The following MAP3K15 variants were observed in gnomAD, a reference collection of about 807,000 sequenced individuals.
MAP3K15 encodes the protein mitogen-activated protein kinase kinase kinase 15.
MAP3K15 carries 124 observed loss-of-function variants against 99.5 expected under a neutral mutation model. That is an observed-to-expected ratio of 1.25 (90% CI 1.08 to 1.45). The LOEUF (loss-of-function observed/expected upper bound fraction) is 1.45, where lower values mean the gene tolerates loss of function less well. Ranked by LOEUF, MAP3K15 falls within the 40% of genes most tolerant of loss-of-function variation. The pLI, the probability that MAP3K15 is intolerant of heterozygous loss-of-function variation, is 0.00. For synonymous variants in MAP3K15, 494 were observed against 439.6 expected (o/e 1.12, Z -1.55); for missense variants, 1,242 against 1,079.7 (o/e 1.15, Z -2.11).
intron 19 of MAP3K15, among the ~76,000 whole-genome samples, chrX:19,379,441 CTTTTTTTTTTTT>C (rs770431394): frequency 1.6e-5 from 1 of 62,349 alleles, no homozygotes; most frequent in Admixed American, 1.7e-4. Flanking sequence ...AGTGTTTTTC[CTTTTTTTTTTTT>C]TTTTTTTTTT....
chrX:19,418,706 C>T (rs1349524640), intron 9 of MAP3K15, among the ~76,000 whole-genome samples: 2 of 109,285 alleles, frequency 1.8e-5, no homozygotes, highest in African/African-American at 6.9e-5. Context: ...AGATACTCCT[C>T]GAGAAGAGCA....
At position 19,504,955 on chromosome X, in the gene MAP3K15, C is replaced by CAAA. The variant is rs778010766; in HGVS notation, c.361+9943_361+9945dup. On this transcript the variant is annotated intron_variant, in intron 1 of 28. Transcript: ENST00000338883. ...TGAGCAACAGAGCGAGACCTCCTCT[C>CAAA]AAAAAAAAAAAAAAAAAAGCCCAGA... Among the ~76,000 whole-genome samples, 37 of 51,799 alleles carry CAAA rather than the reference C, an allele frequency of 7.1e-4. 1 individual carries two copies. In the South Asian group the frequency reaches 0.029, roughly 41 times the overall value. The allele number at this position is 51,799 out of a possible 115,157, so 45.0% of individuals were successfully genotyped here. A position where few individuals can be genotyped will look rare whatever the true frequency, so the allele number is the denominator to read the frequency against.
chrX:19,453,123 T>C (rs1602321692), intron 6 of MAP3K15, among the ~76,000 whole-genome samples: 1 of 111,673 alleles, frequency 9.0e-6, no homozygotes, highest in African/African-American at 3.3e-5. Context: ...TTTCACCATA[T>C]GTGAACATAT....
At position 19,391,889 on chromosome X, in the gene MAP3K15, T is replaced by C. The variant is rs151156950; in HGVS notation, c.2431+113A>G. Reference sequence around the variant, plus strand: ...ATCCACTGTCTACTTCAAGTATCAATTGCTCACTCTGCTCAGAAAAGGTGC... The same window carrying C: ...ATCCACTGTCTACTTCAAGTATCAACTGCTCACTCTGCTCAGAAAAGGTGC... On this transcript the variant is annotated intron_variant, in intron 18 of 28. Transcript: ENST00000338883. 1,128 of 477,030 alleles carry C rather than the reference T, an allele frequency of 2.4e-3. 9 individuals are homozygous for C. In the African/African-American group the frequency reaches 0.024, roughly 10 times the overall value. The allele number at this position is 477,030 out of a possible 1,213,427, so 39.3% of individuals were successfully genotyped here. A position where few individuals can be genotyped will look rare whatever the true frequency, so the allele number is the denominator to read the frequency against.
intron 3 of MAP3K15, among the ~76,000 whole-genome samples, chrX:19,485,126 T>C (rs993539498): frequency 4.6e-5 from 5 of 109,543 alleles, no homozygotes; most frequent in Middle Eastern, 4.6e-3. Context: ...CTGGCCAACA[T>C]TGGGAAACCA....
intron 6 of MAP3K15, among the ~76,000 whole-genome samples, chrX:19,434,122 G>A (rs970594342): frequency 3.6e-5 from 4 of 112,256 alleles, no homozygotes; most frequent in African/African-American, 9.7e-5. Context: ...AAAATGTTCA[G>A]AAAATCATTG....
At chrX:19,419,961 G>T (rs2063769051) in intron 9 of MAP3K15, among the ~76,000 whole-genome samples, 1 of 111,708 alleles carries the variant, frequency 9.0e-6, no homozygotes, top group Non-Finnish European at 1.9e-5. Context: ...ACGAAATGAA[G>T]GCAGAAATAA....
intron 20 of MAP3K15, 106 bp downstream of exon 20, chrX:19,374,371 C>T (rs1431045794): frequency 3.8e-6 from 3 of 780,574 alleles, no homozygotes; most frequent in Non-Finnish European, 5.6e-6. Flanking sequence ...CGTGAGCAGC[C>T]CAGGGCTCTG....
chrX:19,390,699 T>C (rs1264203588), intron 18 of MAP3K15, among the ~76,000 whole-genome samples: 1 of 103,849 alleles, frequency 9.6e-6, no homozygotes, highest in Non-Finnish European at 2.0e-5. Flanking sequence ...TGAAAGCTGT[T>C]TTTTTTTTTT....
chrX:19,426,885 T>G (rs190272256), intron 7 of MAP3K15, among the ~76,000 whole-genome samples: 1 of 105,463 alleles, frequency 9.5e-6, no homozygotes, highest in African/African-American at 3.6e-5. Flanking sequence ...GGAGTTTTAA[T>G]TTTTTTTTGC....
chrX:19,382,847 T>C (rs1252453434), intron 18 of MAP3K15, among the ~76,000 whole-genome samples: 1 of 112,284 alleles, frequency 8.9e-6, no homozygotes, highest in Non-Finnish European at 1.9e-5. Context: ...TCCGATACTG[T>C]GCTGCTTATG....
chrX:19,451,177 C>T (rs1303510482), intron 6 of MAP3K15, among the ~76,000 whole-genome samples: 2 of 103,812 alleles, frequency 1.9e-5, no homozygotes, highest in African/African-American at 6.9e-5. Flanking sequence ...CCCAGCTACT[C>T]GGGAGGCTGA....
chrX:19,409,628 A>G (rs1054857614), intron 12 of MAP3K15, among the ~76,000 whole-genome samples: 2 of 111,999 alleles, frequency 1.8e-5, no homozygotes. Flanking sequence ...TCTTTGGCTC[A>G]AAAAAGATAC....
intron 1 of MAP3K15, among the ~76,000 whole-genome samples, chrX:19,490,117 C>T (rs1448987055): frequency 1.9e-5 from 2 of 103,316 alleles, no homozygotes; most frequent in South Asian, 4.6e-4. Flanking sequence ...TAAGACAATA[C>T]GTACAGGCAT....
At position 19,487,902 on chromosome X, in the gene MAP3K15, T is replaced by C. The variant is rs769775928; in HGVS notation, c.501+926A>G. 1.1e-4 allele frequency among the ~76,000 whole-genome samples: 12 copies of C among 111,034 alleles called. No homozygotes were observed. In the South Asian group the frequency reaches 4.7e-3, roughly 43 times the overall value. ...CTGTGAAGGCTGACTCTCCAAACCATTGGTTCTCACCCATGGTTGCACATT... is the reference window on the plus strand; with the variant it reads ...CTGTGAAGGCTGACTCTCCAAACCACTGGTTCTCACCCATGGTTGCACATT... On this transcript the variant is annotated intron_variant, in intron 2 of 28. Transcript: ENST00000338883.
At chrX:19,403,483 G>C (rs1377244980) in intron 13 of MAP3K15, among the ~76,000 whole-genome samples, 2 of 92,616 alleles carry the variant, frequency 2.2e-5, no homozygotes, top group Non-Finnish European at 4.1e-5. Context: ...TTTTTTGACA[G>C]GATCTTGCTC....
At position 19,399,348 on chromosome X, in the gene MAP3K15, A is replaced by G. The variant is rs370110437; in HGVS notation, c.1933-989T>C. ...GAGGCCGAGGCGAGTAGACCACCTG[A>G]GGTCAGGAATTCGAGACCAGCCTGG... On this transcript the variant is annotated intron_variant, in intron 14 of 28. Coordinates refer to ENST00000338883, the MANE Select transcript of MAP3K15 (RefSeq NM_001001671.4). Among the ~76,000 whole-genome samples, 11 of 111,560 alleles carry G rather than the reference A, an allele frequency of 9.9e-5. No individual in the cohort carries two copies. In the East Asian group the frequency reaches 2.0e-3, roughly 20 times the overall value.
At chrX:19,394,071 C>G (rs1013245675) in intron 16 of MAP3K15, among the ~76,000 whole-genome samples, 13 of 111,002 alleles carry the variant, frequency 1.2e-4, no homozygotes, top group Admixed American at 4.8e-4. Context: ...CTGTGCCTGG[C>G]TGACTGCCTG....
intron 25 of MAP3K15, among the ~76,000 whole-genome samples, chrX:19,368,634 T>C (rs2063352133): frequency 9.0e-6 from 1 of 111,569 alleles, no homozygotes; most frequent in Admixed American, 9.5e-5. Context: ...GATTATGGGA[T>C]GTACATCCAC....
Sources: allele counts gnomAD v4.1 joint callset (sites outside exome capture counted in the v4.1 genomes callset), GRCh38; gene constraint gnomAD v4.1.1; transcripts MANE v1.5; gene names NCBI Gene and HGNC (gene_info 2026-07-23, HGNC 2026-07-21).